Variants in CCT6A observed in about 807,000 individuals in gnomAD.
CCT6A encodes T-complex protein 1 subunit zeta.
A neutral mutation model predicts 58.6 loss-of-function variants in CCT6A; 6 were observed. That is an observed-to-expected ratio of 0.10 (90% confidence interval 0.06 to 0.20). CCT6A has a LOEUF of 0.20. CCT6A is among the 10% of genes least tolerant of loss of function. The probability of loss-of-function intolerance (pLI) is 1.00; values close to 1 mark genes in which losing one functional copy is unlikely to be tolerated. For missense variants in CCT6A, 516 were observed against 648.8 expected (o/e 0.80, Z 2.22); for synonymous variants, 245 against 227.8 (o/e 1.08, Z -0.68).
At chr7:56,052,609 A>T (rs545428831) in intron 2 of CCT6A, 124 bp downstream of exon 2, 1 of 813,194 alleles carries the variant, frequency 1.2e-6, no homozygotes, top group Non-Finnish European at 2.1e-6. Flanking sequence ...TGTAATCAGT[A>T]ATAGTCCTGA....
chr7:56,058,189 T>TA, intron 6 of CCT6A, 86 bp downstream of exon 6: 1 of 930,022 alleles, frequency 1.1e-6, no homozygotes, highest in African/African-American at 1.6e-5. Context: ...TTTCCCACTG[T>TA]AAGGACAATA....
rs2117356223 is a variant in CCT6A at position 56,063,326 on chromosome 7, T to C, written c.*241T>C. On this transcript the variant is annotated 3_prime_UTR_variant, in exon 14 of 14. Transcript: ENST00000275603. ...ATCCAGTGAACAGGATGTTTTGCTTTAGCAGCAGTGACATAAAATTCCATG... is the reference window on the plus strand; with the variant it reads ...ATCCAGTGAACAGGATGTTTTGCTTCAGCAGCAGTGACATAAAATTCCATG... 1 of 510,648 alleles carries C rather than the reference T, an allele frequency of 2.0e-6. No homozygotes were observed. 31.6% of individuals were successfully genotyped at this position (510,648 alleles called of 1,614,324 possible).
chr7:56,062,395 A>G (rs1282275945), intron 12 of CCT6A, among the ~76,000 whole-genome samples: 1 of 152,248 alleles, frequency 6.6e-6, no homozygotes, highest in Non-Finnish European at 1.5e-5. Context: ...GGAAATGATC[A>G]GTCCATTTTA....
rs967484454 is a variant in CCT6A, at chr7:56,063,729, C to T, written c.*644C>T. 1.3e-5 allele frequency: 2 copies of T among 157,296 alleles called. No individual in the cohort carries two copies. Among genetic ancestry groups the T allele is most frequent in the Non-Finnish European group, 2.8e-5 (2 of 71,328 alleles). The allele number at this position is 157,296 out of a possible 1,614,324, so 9.7% of individuals were successfully genotyped here. On this transcript the variant is annotated 3_prime_UTR_variant, in exon 14 of 14. Transcript: ENST00000275603. ...AAAAAGATGATGGAAGGTGTGGTGA[C>T]TAAGGGCCACGGTTATTGGGTGAAA...
intron 11 of CCT6A, 55 bp downstream of exon 11, chr7:56,060,995 C>G: frequency 6.5e-7 from 1 of 1,533,416 alleles, no homozygotes; most frequent in East Asian, 2.3e-5. Context: ...TCAAACCTTT[C>G]TGATAATGTA....
Position 56,058,447 on chromosome 7 carries a change from G to A in CCT6A, c.811G>A (p.Val271Ile). 6.2e-7 allele frequency: 1 copy of A among 1,604,636 alleles called. No homozygotes were observed. Among genetic ancestry groups the A allele is most frequent in the Non-Finnish European group, 8.5e-7 (1 of 1,176,280 alleles). ...TGAAAGAAAATTCATTGAAGATAGG[G>A]TTAAAAAAATAATAGAACTGAAAAG... ...KAERKFIEDRVKKIIELKRKV... is the reference protein window; with the variant it reads ...KAERKFIEDRIKKIIELKRKV... Residue 271 changes from valine to isoleucine, a missense_variant, in exon 7 of 14, where the codon GTT (valine) becomes ATT (isoleucine). Val to Ile is a conservative substitution (Grantham distance 29). Transcript: ENST00000275603.
chr7:56,062,255 G>C (rs1467309600), intron 12 of CCT6A, among the ~76,000 whole-genome samples: 1 of 152,200 alleles, frequency 6.6e-6, no homozygotes, highest in Admixed American at 6.5e-5. Context: ...GTGAAATGGT[G>C]ACAGCCCTGA....
At chr7:56,053,610 C>T (rs1050287505) in intron 2 of CCT6A, among the ~76,000 whole-genome samples, 9 of 152,120 alleles carry the variant, frequency 5.9e-5, no homozygotes, top group African/African-American at 1.4e-4. Context: ...AAAAATTAGC[C>T]GGGTGTGGTC....
Position 56,058,496 on chromosome 7 carries a change from A to C in CCT6A, c.860A>C (p.Lys287Thr), listed in dbSNP as rs749061518. Residue 287 changes from lysine (K) to threonine (T), a missense_variant, in exon 7 of 14, where the codon AAA becomes ACA. Transcript: ENST00000275603. ...LKRKVCGDSD[K>T]GFVVINQKGI... Reference sequence around the variant, plus strand: ...AGGAAAGTCTGTGGCGATTCAGATAAAGGATTTGTTGTTATTAATCAAAAG... The same window carrying C: ...AGGAAAGTCTGTGGCGATTCAGATACAGGATTTGTTGTTATTAATCAAAAG... 7 of 1,596,616 alleles carry C rather than the reference A, an allele frequency of 4.4e-6. No individual in the cohort carries two copies. In the East Asian group the frequency reaches 6.7e-5, roughly 15 times the overall value.
At chr7:56,058,972 CT>C in intron 8 of CCT6A, 1 of 242,472 alleles carries the variant, frequency 4.1e-6, no homozygotes, top group Non-Finnish European at 7.9e-6. Flanking sequence ...ATTCAATATA[CT>C]TTTTTCCAAA....
At chr7:56,054,961 G>A (rs1457542320) in intron 3 of CCT6A, among the ~76,000 whole-genome samples, 1 of 152,210 alleles carries the variant, frequency 6.6e-6, no homozygotes, top group African/African-American at 2.4e-5. Flanking sequence ...ATGTGAGTTA[G>A]TTTGAGATTA....
intron 1 of CCT6A, 74 bp downstream of exon 1, chr7:56,052,059 G>T (rs1457131907): frequency 5.6e-6 from 7 of 1,244,318 alleles, no homozygotes; most frequent in Admixed American, 8.5e-5. Context: ...CGGGACCGCG[G>T]ACTGGAGCCC....
At chr7:56,059,260 C>T (rs566944560) in intron 8 of CCT6A, among the ~76,000 whole-genome samples, 1 of 152,230 alleles carries the variant, frequency 6.6e-6, no homozygotes, top group African/African-American at 2.4e-5. Context: ...CTCAACCTCC[C>T]AAAGTGTTGG....
chr7:56,056,836 C>T (rs1794318987), intron 5 of CCT6A, among the ~76,000 whole-genome samples: 1 of 150,842 alleles, frequency 6.6e-6, no homozygotes, highest in African/African-American at 2.4e-5. Context: ...GCTCTGTCGC[C>T]CAGCCTGGAG....
Position 56,056,344 on chromosome 7 carries a change from C to G in CCT6A, c.544C>G (p.Gln182Glu), listed in dbSNP as rs1268740974. ...GGACTCCATTTTGGCCATTAAAAAG[C>G]AAGATGAACCTATTGATCTCTTCAT... ...VVDSILAIKK[Q>E]DEPIDLFMIE... The change falls in exon 5 of 14, where the codon CAA becomes GAA. Residue 182 changes from glutamine (Q) to glutamate (E), a missense_variant. Physicochemically the swap from Gln to Glu is conservative, Grantham distance 29 (BLOSUM62 2). Around this residue, in one of 3 missense-constraint regions of CCT6A, gnomAD observed 85 missense variants for 74.9 expected, o/e 1.13. Transcript: ENST00000275603. 1 of 1,598,980 alleles carries G rather than the reference C, an allele frequency of 6.3e-7. No individual in the cohort carries two copies. Among genetic ancestry groups the G allele is most frequent in the African/African-American group, 1.3e-5 (1 of 74,584 alleles).
intron 5 of CCT6A, among the ~76,000 whole-genome samples, chr7:56,056,681 C>G (rs1794314105): frequency 6.6e-6 from 1 of 151,446 alleles, no homozygotes; most frequent in Non-Finnish European, 1.5e-5. Flanking sequence ...GAGACCACAC[C>G]ATTGCACTCC....
At chr7:56,053,164 C>T (rs1794218017) in intron 2 of CCT6A, among the ~76,000 whole-genome samples, 2 of 152,174 alleles carry the variant, frequency 1.3e-5, no homozygotes, top group Non-Finnish European at 2.9e-5. Flanking sequence ...ATAAATCTGT[C>T]TCTTTGCAAG....
intron 2 of CCT6A, among the ~76,000 whole-genome samples, chr7:56,053,935 C>T (rs1794247420): frequency 6.6e-6 from 1 of 152,198 alleles, no homozygotes; most frequent in Non-Finnish European, 1.5e-5. Flanking sequence ...GAACCTCTCT[C>T]CAATCTCCAG....
rs769636910 is a variant in CCT6A at position 56,058,391 on chromosome 7, G to A, written c.755G>A (p.Ser252Asn). Residue 252 changes from serine to asparagine, a missense_variant, in exon 7 of 14, where the codon AGT becomes AAT. Ser to Asn is a conservative substitution (Grantham distance 46). Coordinates refer to ENST00000275603, the MANE Select transcript of CCT6A (RefSeq NM_001762.4). The stretch of plus-strand genomic sequence containing the variant: ...GTGAATTCTGGCTTTTTTTACAAGA[G>A]TGCAGAAGAGAGAGAAAAACTCGTG... ...TEVNSGFFYKSAEEREKLVKA... is the reference protein window; with the variant it reads ...TEVNSGFFYKNAEEREKLVKA... 1.9e-6 allele frequency: 3 copies of A among 1,591,592 alleles called. No individual in the cohort carries two copies. Among genetic ancestry groups the A allele is most frequent in the East Asian group, 2.2e-5 (1 of 44,770 alleles).
Sources: gnomAD v4.1 joint callset for allele counts (sites outside exome capture counted in the v4.1 genomes callset) on GRCh38, gnomAD v4.1.1 for gene constraint, gnomAD v4.1.1 regional missense constraint, MANE v1.5 for transcripts, NCBI Gene and HGNC (gene_info 2026-07-23, HGNC 2026-07-21) for gene names.